CCDC40: variants seen among roughly 807,000 people sequenced by gnomAD.
CCDC40 encodes the protein coiled-coil domain-containing protein 40.
Under a neutral mutation model 124.5 loss-of-function variants are expected in CCDC40, and 104 were observed. The ratio of observed to expected loss-of-function variants is 0.84; its 90% CI spans 0.71 to 0.98. CCDC40 has a LOEUF of 0.98. CCDC40 is among the 50% of genes least tolerant of loss of function. The probability of loss-of-function intolerance (pLI) is 0.00; values close to 1 mark genes in which losing one functional copy is unlikely to be tolerated. For synonymous variants in CCDC40, 580 were observed against 602.9 expected (o/e 0.96, Z 0.56); for missense variants, 1,463 against 1,503.9 (o/e 0.97, Z 0.45).
Position 80,095,290 on chromosome 17 carries a change from CAGG to C in CCDC40, c.2863_2865del (p.Glu955del), listed in dbSNP as rs755316224. ...CAGGCTCGGGCAGCTGCTGAAGCAG[CAGG>C]AGAAGATGATCCGTGCCATGGAGTT... On this transcript the variant is annotated inframe_deletion, in exon 18 of 20. Coordinates refer to ENST00000397545, the MANE Select transcript of CCDC40 (RefSeq NM_017950.4). 1.9e-6 allele frequency: 3 copies of C among 1,613,894 alleles called. No individual in the cohort carries two copies. Among genetic ancestry groups the C allele is most frequent in the African/African-American group, 2.7e-5 (2 of 74,952 alleles).
Position 80,087,501 on chromosome 17 carries a change from CT to C in CCDC40, c.2450-105del. The C allele has an allele frequency of 2.4e-6, 2 of 826,770 alleles. No homozygotes were observed. The highest frequency in any genetic ancestry group is 4.1e-6 in the Non-Finnish European group (2 of 484,600). 51.2% of individuals were successfully genotyped at this position (826,770 alleles called of 1,614,324 possible). A position where few individuals can be genotyped will look rare whatever the true frequency, so the allele number is the denominator to read the frequency against. ...GACAAGAGGGAGGGGATGAAGGGAG[CT>C]ACAGGGAGAGACAAAACCTGGCTCA... is the stretch of plus-strand genomic sequence containing the variant. On this transcript the variant is annotated intron_variant, in intron 14 of 19. Coordinates refer to ENST00000397545, the MANE Select transcript of CCDC40 (RefSeq NM_017950.4). This position sits in a 1 kb window ranked among gnomAD's most constrained non-coding sequence, Gnocchi z 4.5.
chr17:80,048,218 C>T (rs1239166734), intron 4 of CCDC40, among the ~76,000 whole-genome samples: 1 of 152,206 alleles, frequency 6.6e-6, no homozygotes, highest in Admixed American at 6.5e-5. Flanking sequence ...CGAGATCACG[C>T]CACTGCACTC....
rs749689137 is a variant in CCDC40, at chr17:80,058,189, A to T, written c.1160-305A>T. ...TCAACCCGAAGCCTTACCACCTGGCACTACTTCAGTGTATCCTTAGACTAC... is the reference window on the plus strand; with the variant it reads ...TCAACCCGAAGCCTTACCACCTGGCTCTACTTCAGTGTATCCTTAGACTAC... On this transcript the variant is annotated intron_variant, in intron 7 of 19. Coordinates refer to ENST00000397545, the MANE Select transcript of CCDC40 (RefSeq NM_017950.4). This position sits in a 1 kb window ranked among gnomAD's most constrained non-coding sequence, Gnocchi z 4.2. Among the ~76,000 whole-genome samples the T allele has an allele frequency of 6.6e-6, 1 of 152,344 alleles. No individual in the cohort carries two copies. Among genetic ancestry groups the T allele is most frequent in the South Asian group, 2.1e-4 (1 of 4,830 alleles).
rs779234130 is a variant in CCDC40 at position 80,081,703 on chromosome 17, A to C, written c.1720A>C (p.Thr574Pro). 6.2e-7 allele frequency: 1 copy of C among 1,614,188 alleles called. No homozygotes were observed. Among genetic ancestry groups the C allele is most frequent in the Non-Finnish European group, 8.5e-7 (1 of 1,180,044 alleles). Residue 574 changes from threonine (T) to proline (P), a missense_variant, in exon 11 of 20, where the codon ACC (threonine) becomes CCC (proline). Coordinates refer to ENST00000397545, the MANE Select transcript of CCDC40 (RefSeq NM_017950.4). Reference protein sequence around the residue: ...LLQKLTTQCLTKQVALQSQFN... With the variant: ...LLQKLTTQCLPKQVALQSQFN... ...GCAGAAGCTCACCACCCAGTGCCTGACCAAGCAGGTGGCCCTGCAGAGCCA... is the reference window on the plus strand; with the variant it reads ...GCAGAAGCTCACCACCCAGTGCCTGCCCAAGCAGGTGGCCCTGCAGAGCCA...
chr17:80,057,115 G>A (rs11871372), intron 7 of CCDC40, among the ~76,000 whole-genome samples: 50,427 of 150,898 alleles, frequency 0.33, 11,167 homozygotes, highest in African/African-American at 0.64. Flanking sequence ...GCTACTGCAA[G>A]CTATATTAAT....
chr17:80,049,787 T>C lies in CCDC40; in HGVS notation c.856-119T>C, dbSNP rs1231317510. 5.0e-6 allele frequency: 4 copies of C among 796,062 alleles called. No individual in the cohort carries two copies. The East Asian group carries it at 1.0e-4, about 20-fold the overall frequency. The allele number at this position is 796,062 out of a possible 1,614,324, so 49.3% of individuals were successfully genotyped here. A position where few individuals can be genotyped will look rare whatever the true frequency, so the allele number is the denominator to read the frequency against. On this transcript the variant is annotated intron_variant, in intron 5 of 19. Coordinates refer to ENST00000397545, the MANE Select transcript of CCDC40 (RefSeq NM_017950.4). ...AATCCCAAGCAGAAGCAGGGAGCAC[T>C]CCACACGGAAGTCGTCTCTGGCCCA... is the stretch of plus-strand genomic sequence containing the variant.
chr17:80,084,941 A>C lies in CCDC40; in HGVS notation c.2188A>C (p.Ile730Leu). The C allele has an allele frequency of 6.2e-7, 1 of 1,614,062 alleles. No homozygotes were observed. The highest frequency in any genetic ancestry group is 1.7e-5 in the Admixed American group (1 of 60,014). Reference sequence around the variant, plus strand: ...CCTGATCGAGAGGAAGCAAGGGCTCATCAACTTCCTCAACAAGCAGCTGGA... The same window carrying C: ...CCTGATCGAGAGGAAGCAAGGGCTCCTCAACTTCCTCAACAAGCAGCTGGA... ...TILIERKQGL[I>L]NFLNKQLERM... The change falls in exon 13 of 20, where the codon ATC becomes CTC. Residue 730 changes from isoleucine to leucine, a missense_variant. By Grantham distance (5) the Ile-to-Leu change is conservative. Transcript: ENST00000397545.
chr17:80,057,007 C>G (rs2037764970), intron 7 of CCDC40, among the ~76,000 whole-genome samples: 1 of 146,056 alleles, frequency 6.8e-6, no homozygotes, highest in African/African-American at 2.6e-5. Flanking sequence ...CCACTGCACT[C>G]CAGCCTGGGC....
chr17:80,046,775 G>T (rs1327363819), intron 3 of CCDC40, among the ~76,000 whole-genome samples: 4 of 152,046 alleles, frequency 2.6e-5, no homozygotes, highest in African/African-American at 9.7e-5. Flanking sequence ...TTTCAAACCA[G>T]CCCCCTTTAG....
In CCDC40 at chr17:80,099,705, A is replaced by C; in HGVS notation, c.3359A>C (p.Gln1120Pro). 1.2e-6 allele frequency: 2 copies of C among 1,613,798 alleles called. No individual in the cohort carries two copies. Among genetic ancestry groups the C allele is most frequent in the Non-Finnish European group, 1.7e-6 (2 of 1,179,998 alleles). ...GACCGCGTGCGGGACGAGTACCCCC[A>C]GTTCCAGGAGGCCCTGCACAAGGTC... ...ILDRVRDEYP[Q>P]FQEALHKVSQ... Residue 1120 changes from glutamine to proline, a missense_variant, in exon 20 of 20, where the codon CAG (glutamine) becomes CCG (proline). Transcript: ENST00000397545.
intron 10 of CCDC40, among the ~76,000 whole-genome samples, chr17:80,072,871 C>A (rs1440307516): frequency 6.6e-6 from 1 of 152,246 alleles, no homozygotes; most frequent in East Asian, 1.9e-4. Context: ...AAGAAAGCTG[C>A]TGTGGCTGTC....
At chr17:80,094,464 C>T (rs950662039) in intron 17 of CCDC40, among the ~76,000 whole-genome samples, 1 of 151,710 alleles carries the variant, frequency 6.6e-6, no homozygotes, top group African/African-American at 2.4e-5. Flanking sequence ...CCTGCAATCC[C>T]AGCTTTGGGA....
chr17:80,098,299 C>T (rs1323548327), intron 19 of CCDC40, among the ~76,000 whole-genome samples: 4 of 152,230 alleles, frequency 2.6e-5, no homozygotes, highest in African/African-American at 9.6e-5. Flanking sequence ...TGACTTTGGA[C>T]TTTTCTCTTG....
At chr17:80,072,383 T>C (rs2038214176) in intron 10 of CCDC40, among the ~76,000 whole-genome samples, 1 of 152,174 alleles carries the variant, frequency 6.6e-6, no homozygotes, top group African/African-American at 2.4e-5. Flanking sequence ...GAAGACTCAT[T>C]AGCATGTCAG....
intron 11 of CCDC40, 28 bp downstream of exon 11, chr17:80,081,817 C>T (rs777329186): frequency 1.5e-5 from 25 of 1,613,844 alleles, no homozygotes; most frequent in Non-Finnish European, 1.9e-5. Context: ...CCACAGGTCA[C>T]ACCTGGCGCA....
chr17:80,070,526 A>G (rs1451590711), intron 10 of CCDC40, among the ~76,000 whole-genome samples: 1 of 152,204 alleles, frequency 6.6e-6, no homozygotes, highest in Non-Finnish European at 1.5e-5. Context: ...ACTTGAGTCC[A>G]GGAATTTGAG....
intron 3 of CCDC40, among the ~76,000 whole-genome samples, chr17:80,044,698 CAAACAAACAAAAA>C (rs567899277): frequency 0.14 from 9,805 of 71,780 alleles, 1,497 homozygotes; most frequent in African/African-American, 0.33. Flanking sequence ...CAAAACAAAA[CAAACAAACAAAAA>C]AAAAAATATA....
chr17:80,041,845 G>C (rs1158569074), intron 3 of CCDC40, among the ~76,000 whole-genome samples: 1 of 152,146 alleles, frequency 6.6e-6, no homozygotes, highest in African/African-American at 2.4e-5. Context: ...AGGGATGCAG[G>C]ATTCCAGCTT....
rs567846018 is a variant in CCDC40, at chr17:80,068,840, G to A, written c.1562+3234G>A. Among the ~76,000 whole-genome samples, 8 of 152,284 alleles carry A rather than the reference G, an allele frequency of 5.3e-5. No homozygotes were observed. The South Asian group carries it at 1.2e-3, about 24-fold the overall frequency. On this transcript the variant is annotated intron_variant, in intron 10 of 19. Transcript: ENST00000397545. ...GATGAAATATAAACACCAAAGAACC[G>A]AATGCTCCACGCTCGGACTAGCAGA...
Sources: gnomAD v4.1 joint callset for allele counts (sites outside exome capture counted in the v4.1 genomes callset) on GRCh38, gnomAD v4.1.1 for gene constraint, Gnocchi (gnomAD v3.1) non-coding constraint, MANE v1.5 for transcripts, NCBI Gene and HGNC (gene_info 2026-07-23, HGNC 2026-07-21) for gene names.